MLPH: variants seen among roughly 807,000 people sequenced by gnomAD.
The protein encoded by MLPH is melanophilin, also known as exophilin-3.
MLPH carries 51 observed loss-of-function variants against 72.1 expected under a neutral mutation model. The observed-to-expected ratio is 0.71, with a 90% CI of 0.56 to 0.89. The LOEUF (loss-of-function observed/expected upper bound fraction) is 0.89. MLPH is among the 40% of genes least tolerant of loss of function. MLPH has a pLI of 0.00. For missense variants in MLPH, 743 were observed against 759.9 expected (o/e 0.98, Z 0.26); for synonymous variants, 301 against 310.1 (o/e 0.97, Z 0.31).
Position 237,542,758 on chromosome 2 carries a change from CAGTGGTGAGTGG to C in MLPH, c.1539+100_1539+111del. The C allele has an allele frequency of 1.0e-5, 5 of 485,640 alleles. 1 individual carries two copies. The highest frequency in any genetic ancestry group is 5.5e-5 in the South Asian group (2 of 36,094). The allele number at this position is 485,640 out of a possible 1,614,324, so 30.1% of individuals were successfully genotyped here. On this transcript the variant is annotated intron_variant, in intron 12 of 15. Transcript: ENST00000264605. ...TGGGGGACAGTGGTGAGTGGAGGGA[CAGTGGTGAGTGG>C]GGACAGTGGTGAGTGGGGGGACAGT... is the stretch of plus-strand genomic sequence containing the variant.
intron 7 of MLPH, among the ~76,000 whole-genome samples, chr2:237,526,520 C>T (rs1438367436): frequency 6.6e-6 from 1 of 152,074 alleles, no homozygotes; most frequent in Non-Finnish European, 1.5e-5. Flanking sequence ...TCTACTTTCC[C>T]CCAAAAACAA....
In MLPH at chr2:237,505,041, C is replaced by T. The variant is rs1040468737; in HGVS notation, c.111-5533C>T. The stretch of plus-strand genomic sequence containing the variant: ...GGCTCAGCTTCTCTTCCAGAGCTCC[C>T]CACAACCCCACCTCTGCTCCCCAAC... On this transcript the variant is annotated intron_variant, in intron 2 of 15. Coordinates refer to ENST00000264605, the MANE Select transcript of MLPH (RefSeq NM_024101.7). This position sits in a 1 kb window ranked among gnomAD's most constrained non-coding sequence, Gnocchi z 4.5. Among the ~76,000 whole-genome samples the T allele has an allele frequency of 6.6e-6, 1 of 152,204 alleles. No individual in the cohort carries two copies. The highest frequency in any genetic ancestry group is 2.4e-5 in the African/African-American group (1 of 41,470).
intron 1 of MLPH, among the ~76,000 whole-genome samples, chr2:237,493,188 T>C (rs1263735663): frequency 2.0e-5 from 3 of 152,148 alleles, no homozygotes; most frequent in Non-Finnish European, 4.4e-5. Context: ...AGGAAGTAGA[T>C]CCCTTTTAAA....
chr2:237,537,938 T>A (rs1268054205), intron 9 of MLPH, among the ~76,000 whole-genome samples: 1 of 152,166 alleles, frequency 6.6e-6, no homozygotes, highest in Non-Finnish European at 1.5e-5. Flanking sequence ...AAAGTCGACT[T>A]CATGGGGCCA....
intron 6 of MLPH, among the ~76,000 whole-genome samples, chr2:237,523,950 C>T (rs1256323435): frequency 6.6e-6 from 1 of 152,110 alleles, no homozygotes; most frequent in African/African-American, 2.4e-5. Context: ...AAAATAGTTA[C>T]TAATACAAGG....
Position 237,534,563 on chromosome 2 carries a change from G to A in MLPH, c.1021-1G>A, listed in dbSNP as rs756359480. ...CCACTGTTTCTCTCCTTCTGCTGCA[G>A]ATCTTTGAGCTGAATAAGCATATTT... On this transcript the variant is annotated splice_acceptor_variant, in intron 8 of 15. Coordinates refer to ENST00000264605, the MANE Select transcript of MLPH (RefSeq NM_024101.7). LOFTEE classifies it high-confidence loss of function. 1.1e-5 allele frequency: 18 copies of A among 1,613,092 alleles called. 1 individual carries two copies. Among genetic ancestry groups the A allele is most frequent in the Non-Finnish European group, 1.5e-5 (18 of 1,179,378 alleles).
chr2:237,526,315 A>G (rs937786373), intron 7 of MLPH, among the ~76,000 whole-genome samples: 4 of 152,152 alleles, frequency 2.6e-5, no homozygotes, highest in African/African-American at 9.7e-5. Context: ...TGTATGTACC[A>G]TGGGTCCGAG....
chr2:237,542,699 G>C (rs756308256), intron 12 of MLPH, 40 bp downstream of exon 12: 17 of 1,412,840 alleles, frequency 1.2e-5, no homozygotes, highest in East Asian at 2.6e-5. Flanking sequence ...AGTGCTGAGT[G>C]GGGGGGCAGT....
chr2:237,497,209 G>T (rs954272914), intron 2 of MLPH, among the ~76,000 whole-genome samples: 2 of 152,202 alleles, frequency 1.3e-5, no homozygotes, highest in African/African-American at 4.8e-5. Flanking sequence ...GGCGGGAAAT[G>T]CTCTCTTACC....
chr2:237,551,977 C>CAA (rs1164035810), intron 14 of MLPH: 2,408 of 159,484 alleles, frequency 0.015, 57 homozygotes, highest in African/African-American at 0.06. Flanking sequence ...GACTTTGTCT[C>CAA]AAAAAAAAAA....
intron 6 of MLPH, among the ~76,000 whole-genome samples, chr2:237,524,114 C>T (rs1252020565): frequency 6.6e-6 from 1 of 151,714 alleles, no homozygotes; most frequent in Admixed American, 6.6e-5. Context: ...TGGGTCAAAT[C>T]CTCATTGACA....
intron 4 of MLPH, chr2:237,518,102 TG>T (rs1283404214): frequency 3.2e-6 from 1 of 315,866 alleles, no homozygotes; most frequent in African/African-American, 2.4e-5. Context: ...TGATGATGAG[TG>T]GGTGGATGAA....
chr2:237,498,487 C>T (rs988121480), intron 2 of MLPH, among the ~76,000 whole-genome samples: 2 of 152,156 alleles, frequency 1.3e-5, no homozygotes, highest in Non-Finnish European at 2.9e-5. Context: ...GGAAGGAGGG[C>T]ATGTGACCCT....
chr2:237,538,534 G>A (rs549577020), intron 9 of MLPH, among the ~76,000 whole-genome samples: 214 of 152,342 alleles, frequency 1.4e-3, no homozygotes, highest in Middle Eastern at 3.4e-3. Flanking sequence ...GTCCATGCTG[G>A]CGGCGTCGCT....
Position 237,493,454 on chromosome 2 carries a change from C to A in MLPH, c.28C>A (p.Leu10Ile). Residue 10 changes from leucine to isoleucine, a missense_variant, in exon 2 of 16, where the codon CTC becomes ATC. Physicochemically the swap from Leu to Ile is conservative, Grantham distance 5. Transcript: ENST00000264605. ...GGGGAAGAAACTGGATCTTTCCAAG[C>A]TCACTGATGAAGAGGCCCAGCATGT... The part of the protein sequence containing the change: MGKKLDLSK[L>I]TDEEAQHVLE... 6.2e-7 allele frequency: 1 copy of A among 1,614,076 alleles called. No individual in the cohort carries two copies. Among genetic ancestry groups the A allele is most frequent in the African/African-American group, 1.3e-5 (1 of 75,056 alleles).
At chr2:237,519,099 C>T (rs1380174368) in intron 5 of MLPH, among the ~76,000 whole-genome samples, 1 of 140,444 alleles carries the variant, frequency 7.1e-6, no homozygotes, top group Non-Finnish European at 1.5e-5. Context: ...TTTTTTTTGC[C>T]AACCATGAGC....
At chr2:237,553,164 TA>T (rs760221828) in intron 15 of MLPH, 2 of 477,798 alleles carry the variant, frequency 4.2e-6, no homozygotes, top group South Asian at 3.1e-5. Context: ...GAAGGGAAGT[TA>T]CAAAGTTACA....
rs1286742722 is a variant in MLPH, at chr2:237,511,048, G to A, written c.392G>A (p.Arg131Lys). ...YYEHVKARFK[R>K]FGSAKVIRSL... ...GAGCATGTGAAAGCCCGCTTCAAGA[G>A]GTTCGGAAGTGCCAAGGTCATCCGG... is the stretch of plus-strand genomic sequence containing the variant. The change falls in exon 4 of 16, where the codon AGG becomes AAG. Residue 131 changes from arginine to lysine, a missense_variant. By Grantham distance (26) the Arg-to-Lys change is conservative. Transcript: ENST00000264605. 6 of 1,613,902 alleles carry A rather than the reference G, an allele frequency of 3.7e-6. No homozygotes were observed. The African/African-American group carries it at 5.3e-5, about 14-fold the overall frequency.
chr2:237,495,015 T>C (rs932543431), intron 2 of MLPH, among the ~76,000 whole-genome samples: 1 of 152,152 alleles, frequency 6.6e-6, no homozygotes, highest in South Asian at 2.1e-4. Flanking sequence ...GGAGGACCCA[T>C]CTCTCGGCCT....
Sources: gnomAD v4.1 joint callset for allele counts (sites outside exome capture counted in the v4.1 genomes callset) on GRCh38, gnomAD v4.1.1 for gene constraint, Gnocchi (gnomAD v3.1) non-coding constraint, MANE v1.5 for transcripts, NCBI Gene and HGNC (gene_info 2026-07-23, HGNC 2026-07-21) for gene names.